Variants in SLC25A33 observed in about 807,000 individuals in gnomAD.
SLC25A33 encodes solute carrier family 25 member 33, also known as bone marrow stromal cell mitochondrial carrier protein.
A neutral mutation model predicts 35.5 loss-of-function variants in SLC25A33; 15 were observed. The observed-to-expected ratio is 0.42, with a 90% CI of 0.28 to 0.65. The LOEUF (loss-of-function observed/expected upper bound fraction) is 0.65. SLC25A33 is among the 30% of genes least tolerant of loss of function. The probability of loss-of-function intolerance (pLI) is 0.20; values close to 1 mark genes in which losing one functional copy is unlikely to be tolerated. For missense variants in SLC25A33, 257 were observed against 398.5 expected, an observed-to-expected ratio of 0.64 and a Z score of 3.02; for synonymous variants, 136 against 148.7, an observed-to-expected ratio of 0.91 and a Z score of 0.62.
rs549421525 is a variant in SLC25A33 at position 9,573,905 on chromosome 1, C to G, written c.482+493C>G. On this transcript the variant is annotated intron_variant, in intron 5 of 6. Coordinates refer to ENST00000302692, the MANE Select transcript of SLC25A33 (RefSeq NM_032315.3). ...AACATTTTGTGGGGCTCTGTGGATT[C>G]CTTTGGTAGTCTGGTGACACCTGCA... Among the ~76,000 whole-genome samples, 42 of 152,130 alleles carry G rather than the reference C, an allele frequency of 2.8e-4. 1 individual carries two copies. Among genetic ancestry groups the G allele is most frequent in the African/African-American group, 9.6e-4 (40 of 41,506 alleles).
chr1:9,572,333 C>T (rs1643600839), intron 4 of SLC25A33, among the ~76,000 whole-genome samples: 1 of 152,126 alleles, frequency 6.6e-6, no homozygotes, highest in Admixed American at 6.5e-5. Flanking sequence ...CAGTGTCAGC[C>T]GGGCTTGGTG....
At chr1:9,563,241 A>G (rs747874924) in intron 2 of SLC25A33, among the ~76,000 whole-genome samples, 81 of 152,168 alleles carry the variant, frequency 5.3e-4, no homozygotes, top group Non-Finnish European at 1.0e-3. Flanking sequence ...TAGTATTTCA[A>G]CAAAAGATCA....
intron 1 of SLC25A33, among the ~76,000 whole-genome samples, chr1:9,549,331 G>A (rs556665552): frequency 2.1e-5 from 3 of 141,436 alleles, no homozygotes; most frequent in East Asian, 2.1e-4. Flanking sequence ...GGGATCAATG[G>A]GGGGGATGAA....
rs1050085598 is a variant in SLC25A33, at chr1:9,570,558, T to C, written c.415+200T>C. Reference sequence around the variant, plus strand: ...TTTTATTTTCCTTGACCACTAAAGCTCTTTATTTGCCCTCAAAATGTACAT... The same window carrying C: ...TTTTATTTTCCTTGACCACTAAAGCCCTTTATTTGCCCTCAAAATGTACAT... On this transcript the variant is annotated intron_variant, in intron 4 of 6. Coordinates refer to ENST00000302692, the MANE Select transcript of SLC25A33 (RefSeq NM_032315.3). Among the ~76,000 whole-genome samples the C allele has an allele frequency of 2.0e-5, 3 of 152,142 alleles. No individual in the cohort carries two copies. In the East Asian group the frequency reaches 5.8e-4, roughly 29 times the overall value.
chr1:9,568,949 A>G (rs963760201), intron 3 of SLC25A33, among the ~76,000 whole-genome samples: 3 of 151,974 alleles, frequency 2.0e-5, no homozygotes, highest in African/African-American at 7.2e-5. Context: ...CAGTGCTCCA[A>G]TTTAAACATA....
rs1321556525 is a variant in SLC25A33 at position 9,539,636 on chromosome 1, G to T, written c.-56G>T. The T allele has an allele frequency of 2.9e-5, 37 of 1,293,712 alleles. No homozygotes were observed. In the South Asian group the frequency reaches 6.0e-4, roughly 21 times the overall value. The allele number at this position is 1,293,712 out of a possible 1,614,324, so 80.1% of individuals were successfully genotyped here. A position where few individuals can be genotyped will look rare whatever the true frequency, so the allele number is the denominator to read the frequency against. The stretch of plus-strand genomic sequence containing the variant: ...GACCCGGCGACCTCGCGCATCCCTC[G>T]AGCCGCCACGCGCTCTCGCCACCGG... On this transcript the variant is annotated 5_prime_UTR_variant, in exon 1 of 7. Transcript: ENST00000302692.
intron 1 of SLC25A33, among the ~76,000 whole-genome samples, chr1:9,550,980 T>C (rs1643258276): frequency 6.6e-6 from 1 of 152,108 alleles, no homozygotes; most frequent in African/African-American, 2.4e-5. Context: ...ACCTGGCCAC[T>C]TCTATCTTTT....
intron 1 of SLC25A33, among the ~76,000 whole-genome samples, chr1:9,542,692 C>A (rs1159360729): frequency 6.6e-6 from 1 of 152,260 alleles, no homozygotes; most frequent in Middle Eastern, 3.4e-3. Context: ...AGTCAGAGTC[C>A]CCACTAAAAA....
intron 6 of SLC25A33, among the ~76,000 whole-genome samples, chr1:9,581,549 C>T (rs1318991403): frequency 6.6e-6 from 1 of 151,812 alleles, no homozygotes; most frequent in Non-Finnish European, 1.5e-5. Context: ...GCCAACATGG[C>T]GAAACCCCGT....
chr1:9,573,305 C>A, intron 4 of SLC25A33, 41 bp from the exon 5 acceptor site: 1 of 1,394,614 alleles, frequency 7.2e-7, no homozygotes, highest in Non-Finnish European at 1.0e-6. Context: ...TAAGTATGGA[C>A]TATGTACAGT....
chr1:9,546,654 T>C (rs1643174922), intron 1 of SLC25A33, among the ~76,000 whole-genome samples: 1 of 152,204 alleles, frequency 6.6e-6, no homozygotes, highest in Non-Finnish European at 1.5e-5. Context: ...TTTAATTGCT[T>C]TCTTGAAAAG....
chr1:9,544,605 C>T (rs1240078598), intron 1 of SLC25A33, among the ~76,000 whole-genome samples: 1 of 151,848 alleles, frequency 6.6e-6, no homozygotes, highest in Non-Finnish European at 1.5e-5. Context: ...CAAGAATTTA[C>T]AGTGTATACA....
chr1:9,549,415 A>G (rs1461763327), intron 1 of SLC25A33, among the ~76,000 whole-genome samples: 5 of 50,664 alleles, frequency 9.9e-5, no homozygotes, highest in Non-Finnish European at 1.7e-4. Flanking sequence ...GGTGGGATCA[A>G]TGGGGGGGGA....
chr1:9,551,419 G>A (rs562169740), intron 1 of SLC25A33, among the ~76,000 whole-genome samples: 1 of 152,134 alleles, frequency 6.6e-6, no homozygotes, highest in Non-Finnish European at 1.5e-5. Context: ...CCCTCATGGG[G>A]ATTTTACTTC....
At chr1:9,566,692 T>C (rs150125809) in intron 2 of SLC25A33, among the ~76,000 whole-genome samples, 1,750 of 151,934 alleles carry the variant, frequency 0.012, 31 homozygotes, top group African/African-American at 0.039. Flanking sequence ...ACTAAAAATA[T>C]AAAGTTAGCT....
intron 1 of SLC25A33, among the ~76,000 whole-genome samples, chr1:9,542,195 G>A (rs946013667): frequency 1.3e-5 from 2 of 152,136 alleles, no homozygotes; most frequent in Non-Finnish European, 2.9e-5. Flanking sequence ...GGATGGCCCT[G>A]TCTTGTTGAA....
Position 9,539,486 on chromosome 1 carries a change from C to T in SLC25A33, c.-206C>T, listed in dbSNP as rs1196535015. ...CTCTAGCTCCCCGCCGGGCTCGCGC[C>T]GCAGAGGCCGGTGAGGCGCCGGCGG... On this transcript the variant is annotated 5_prime_UTR_variant, in exon 1 of 7. Transcript: ENST00000302692. 4.9e-6 allele frequency: 1 copy of T among 203,106 alleles called. No homozygotes were observed. The highest frequency in any genetic ancestry group is 9.5e-6 in the Non-Finnish European group (1 of 104,782). The allele number at this position is 203,106 out of a possible 1,614,324, so 12.6% of individuals were successfully genotyped here. A position where few individuals can be genotyped will look rare whatever the true frequency, so the allele number is the denominator to read the frequency against.
At chr1:9,566,742 A>T (rs914625908) in intron 2 of SLC25A33, among the ~76,000 whole-genome samples, 2 of 152,176 alleles carry the variant, frequency 1.3e-5, no homozygotes, top group African/African-American at 4.8e-5. Context: ...GTTACTCGGG[A>T]GGCTGAGGTA....
At chr1:9,545,332 CG>C (rs1466209946) in intron 1 of SLC25A33, among the ~76,000 whole-genome samples, 1 of 151,664 alleles carries the variant, frequency 6.6e-6, no homozygotes, top group Non-Finnish European at 1.5e-5. Flanking sequence ...TCTAGGGGAG[CG>C]TATTTTTATC....
Sources: gnomAD v4.1 joint callset for allele counts (sites outside exome capture counted in the v4.1 genomes callset) on GRCh38, gnomAD v4.1.1 for gene constraint, MANE v1.5 for transcripts, NCBI Gene and HGNC (gene_info 2026-07-23, HGNC 2026-07-21) for gene names.